HIPK3: variants seen among roughly 807,000 people sequenced by gnomAD.
HIPK3 encodes the protein homeodomain-interacting protein kinase 3.
HIPK3 carries 47 observed loss-of-function variants against 124.2 expected under a neutral mutation model. The observed-to-expected ratio is 0.38, with a 90% CI of 0.30 to 0.48. The LOEUF (loss-of-function observed/expected upper bound fraction) is 0.48, where lower values mean the gene tolerates loss of function less well. Ranked by LOEUF, HIPK3 falls within the 20% of genes least tolerant of loss-of-function variation. The pLI is 0.98. For synonymous variants in HIPK3, 482 were observed against 515.2 expected (o/e 0.94, Z 0.87); for missense variants, 1,286 against 1,454.3 (o/e 0.88, Z 1.88).
At chr11:33,327,138 C>T (rs1367492816) in intron 2 of HIPK3, among the ~76,000 whole-genome samples, 2 of 151,942 alleles carry the variant, frequency 1.3e-5, no homozygotes, top group Non-Finnish European at 2.9e-5. Context: ...AATTTGAGAT[C>T]CCACAAAATA....
At chr11:33,349,775 C>G (rs1204555637) in intron 14 of HIPK3, among the ~76,000 whole-genome samples, 1 of 150,748 alleles carries the variant, frequency 6.6e-6, no homozygotes, top group Non-Finnish European at 1.5e-5. Context: ...TGCTGAGGGG[C>G]GGGTGGGAGG....
At chr11:33,337,450 G>A (rs914411326) in intron 4 of HIPK3, among the ~76,000 whole-genome samples, 4 of 151,678 alleles carry the variant, frequency 2.6e-5, no homozygotes, top group Admixed American at 6.6e-5. Flanking sequence ...CCGCCTCCTG[G>A]GTTCAACCAA....
At chr11:33,291,814 A>G (rs1851706362) in intron 2 of HIPK3, among the ~76,000 whole-genome samples, 1 of 152,206 alleles carries the variant, frequency 6.6e-6, no homozygotes, top group South Asian at 2.1e-4. Context: ...AGTGGGCTGT[A>G]AAAATAACCT....
chr11:33,298,858 T>G (rs1178384582), intron 2 of HIPK3, among the ~76,000 whole-genome samples: 1 of 152,102 alleles, frequency 6.6e-6, no homozygotes, highest in Non-Finnish European at 1.5e-5. Context: ...TTCTTTTTGT[T>G]TGTTTGTTTT....
chr11:33,343,200 G>T (rs60258366), intron 8 of HIPK3, among the ~76,000 whole-genome samples: 1,825 of 150,072 alleles, frequency 0.012, 41 homozygotes, highest in African/African-American at 0.042. Context: ...TAATATATTG[G>T]CCATTTCTAA....
intron 1 of HIPK3, among the ~76,000 whole-genome samples, chr11:33,265,522 C>A (rs1019678587): frequency 6.6e-6 from 1 of 151,732 alleles, no homozygotes; most frequent in Non-Finnish European, 1.5e-5. Flanking sequence ...GCCTGTAATC[C>A]CAGCACTTTG....
In HIPK3 at chr11:33,285,369, A is replaced by G. The variant is rs187850019; in HGVS notation, c.-2-1044A>G. On this transcript the variant is annotated intron_variant, in intron 1 of 16. Coordinates refer to ENST00000303296, the MANE Select transcript of HIPK3 (RefSeq NM_005734.5). ...AAGTTTAAAGGAATATCCATATAAT[A>G]AAGTACACATTGAGAAGAATGGGAA... Among the ~76,000 whole-genome samples, 1,202 of 152,280 alleles carry G rather than the reference A, an allele frequency of 7.9e-3. 5 individuals carry two copies. The highest frequency in any genetic ancestry group is 0.012 in the Non-Finnish European group (824 of 68,002).
intron 1 of HIPK3, among the ~76,000 whole-genome samples, chr11:33,268,252 A>T (rs530817496): frequency 1.3e-5 from 2 of 152,302 alleles, no homozygotes; most frequent in South Asian, 4.1e-4. Flanking sequence ...ATTCTTAATT[A>T]AATTTGACAA....
At chr11:33,281,627 T>C (rs1431764049) in intron 1 of HIPK3, among the ~76,000 whole-genome samples, 2 of 152,218 alleles carry the variant, frequency 1.3e-5, no homozygotes, top group Non-Finnish European at 2.9e-5. Flanking sequence ...CCTCAATTTC[T>C]TTATATATCT....
chr11:33,260,251 G>C (rs1474730652), intron 1 of HIPK3, among the ~76,000 whole-genome samples: 14 of 152,126 alleles, frequency 9.2e-5, no homozygotes. Context: ...TGGGCACATA[G>C]GTTTTTATGT....
In HIPK3 at chr11:33,351,773, C is replaced by T. The variant is rs775865075; in HGVS notation, c.2973C>T (p.Val991=). 3.7e-6 allele frequency: 6 copies of T among 1,614,194 alleles called. No individual in the cohort carries two copies. The highest frequency in any genetic ancestry group is 5.1e-6 in the Non-Finnish European group (6 of 1,180,030). Residue 991 remains valine, a synonymous_variant, in exon 15 of 17, where the codon GTC becomes GTT. Transcript: ENST00000303296. ...SSADTETKPA[V]CSVVVPPVEL... ...CTGACACAGAAACCAAGCCAGCTGT[C>T]TGTTCTGTTGTGGTGCCACCAGTGG...
At chr11:33,261,356 T>C (rs1197189554) in intron 1 of HIPK3, among the ~76,000 whole-genome samples, 4 of 152,008 alleles carry the variant, frequency 2.6e-5, no homozygotes, top group Admixed American at 2.6e-4. Context: ...TCTGCTCTTC[T>C]CCCTCCTCTC....
At chr11:33,269,545 T>TCAGCA (rs1851065224) in intron 1 of HIPK3, among the ~76,000 whole-genome samples, 1 of 151,834 alleles carries the variant, frequency 6.6e-6, no homozygotes, top group Non-Finnish European at 1.5e-5. Context: ...TCCTTCAGCT[T>TCAGCA]TTTAACATGC....
intron 2 of HIPK3, among the ~76,000 whole-genome samples, chr11:33,315,530 T>C (rs963160408): frequency 6.6e-6 from 1 of 152,184 alleles, no homozygotes; most frequent in Non-Finnish European, 1.5e-5. Flanking sequence ...TGGCCTTAGC[T>C]AAGTTATTTA....
intron 1 of HIPK3, 29 bp from the exon 2 acceptor site, chr11:33,286,384 T>G: frequency 7.2e-7 from 1 of 1,391,798 alleles, no homozygotes; most frequent in South Asian, 1.7e-5. Flanking sequence ...TCCTTTTTTT[T>G]CTTTTCCTTT....
At chr11:33,277,372 A>G (rs752855783) in intron 1 of HIPK3, among the ~76,000 whole-genome samples, 2 of 152,162 alleles carry the variant, frequency 1.3e-5, no homozygotes, top group Non-Finnish European at 2.9e-5. Context: ...CAGTTAATTC[A>G]TTTTGCTGCA....
intron 1 of HIPK3, among the ~76,000 whole-genome samples, chr11:33,282,228 T>C (rs1022969473): frequency 6.8e-6 from 1 of 147,782 alleles, no homozygotes; most frequent in Non-Finnish European, 1.5e-5. Context: ...CTCTACAAAA[T>C]TTAAAAATTA....
intron 6 of HIPK3, among the ~76,000 whole-genome samples, chr11:33,339,888 A>G (rs1853278041): frequency 1.3e-5 from 2 of 152,134 alleles, no homozygotes; most frequent in Non-Finnish European, 1.5e-5. Context: ...AGGTTCTATC[A>G]TATTTTGAGT....
intron 2 of HIPK3, among the ~76,000 whole-genome samples, chr11:33,316,264 C>G (rs562894459): frequency 8.5e-5 from 13 of 152,270 alleles, no homozygotes; most frequent in African/African-American, 2.9e-4. Flanking sequence ...GCTGCTTTAA[C>G]CTGAAATAAA....
Sources: allele counts gnomAD v4.1 joint callset (sites outside exome capture counted in the v4.1 genomes callset), GRCh38; gene constraint gnomAD v4.1.1; transcripts MANE v1.5; gene names NCBI Gene and HGNC (gene_info 2026-07-23, HGNC 2026-07-21).